RYR3: variants seen among roughly 807,000 people sequenced by gnomAD.
RYR3 encodes ryanodine receptor 3.
In RYR3, 207 loss-of-function variants were observed where a neutral mutation model predicts 584.3. The observed-to-expected ratio is 0.35, with a 90% CI of 0.32 to 0.40. RYR3 has a LOEUF of 0.40. Among genes scored for constraint, RYR3 ranks in the 10% least tolerant of loss-of-function variants. The pLI is 1.00. For missense variants in RYR3, 5,616 were observed against 6,089.2 expected, an observed-to-expected ratio of 0.92 and a Z score of 2.59; for synonymous variants, 2,416 against 2,248.5, an observed-to-expected ratio of 1.07 and a Z score of -2.11.
rs181960662 is a variant in RYR3, at chr15:33,642,168, A to G, written c.3557-2143A>G. On this transcript the variant is annotated intron_variant, in intron 27 of 103. Coordinates refer to ENST00000634891, the MANE Select transcript of RYR3 (RefSeq NM_001036.6). ...GCAGTTATTACCTTTTCCCCCTTAC[A>G]TTGTCATTGGGTCTGTGACTAGGAC... Among the ~76,000 whole-genome samples, 28 of 152,166 alleles carry G rather than the reference A, an allele frequency of 1.8e-4. 1 individual carries two copies. Among genetic ancestry groups the G allele is most frequent in the Admixed American group, 1.6e-3 (25 of 15,290 alleles).
intron 1 of RYR3, among the ~76,000 whole-genome samples, chr15:33,380,461 T>G (rs1006945215): frequency 1.3e-5 from 2 of 152,246 alleles, no homozygotes; most frequent in African/African-American, 4.8e-5. Flanking sequence ...GAGTGACTTC[T>G]GAAGTTCTTT....
At chr15:33,840,406 C>G (rs913722452) in intron 89 of RYR3, among the ~76,000 whole-genome samples, 1 of 152,130 alleles carries the variant, frequency 6.6e-6, no homozygotes, top group Non-Finnish European at 1.5e-5. Flanking sequence ...TGCAGTGGTC[C>G]TCAGCCAGAG....
At chr15:33,816,691 G>C (rs1052913311) in intron 74 of RYR3, among the ~76,000 whole-genome samples, 171 bp from the exon 75 acceptor site, 2 of 152,188 alleles carry the variant, frequency 1.3e-5, no homozygotes, top group African/African-American at 4.8e-5. Flanking sequence ...TCATGGTAGA[G>C]GGTTCTGGTT....
intron 17 of RYR3, 100 bp from the exon 18 acceptor site, chr15:33,603,023 T>G (rs1232283511): frequency 1.6e-6 from 2 of 1,239,034 alleles, no homozygotes; most frequent in Admixed American, 1.9e-5. Context: ...ATTGCTCTTG[T>G]CCTACGTGTA....
In RYR3 at chr15:33,842,002, T is replaced by A; in HGVS notation, c.13176T>A (p.Phe4392Leu). ...CGGAAGCTTTCACAGCCAATTTCTT[T>A]AAAGGGCTGGAAATCTATCAGACCA... The part of the protein sequence containing the change: ...EKPEAFTANF[F>L]KGLEIYQTKL... Residue 4392 changes from phenylalanine to leucine, a missense_variant, in exon 91 of 104, where the codon TTT (phenylalanine) becomes TTA (leucine). Coordinates refer to ENST00000634891, the MANE Select transcript of RYR3 (RefSeq NM_001036.6). 6.2e-7 allele frequency: 1 copy of A among 1,603,356 alleles called. No individual in the cohort carries two copies. The highest frequency in any genetic ancestry group is 2.2e-5 in the East Asian group (1 of 44,644).
chr15:33,567,236 T>A (rs963173019), intron 12 of RYR3, among the ~76,000 whole-genome samples: 1 of 152,196 alleles, frequency 6.6e-6, no homozygotes. Flanking sequence ...AAGCCTTGGG[T>A]TACCCAACTG....
chr15:33,378,254 G>T (rs192155392), intron 1 of RYR3, among the ~76,000 whole-genome samples: 146 of 152,214 alleles, frequency 9.6e-4, no homozygotes, highest in African/African-American at 3.4e-3. Context: ...ATTCTATTTG[G>T]CACTTTCTTC....
At chr15:33,399,887 C>A (rs1406916677) in intron 1 of RYR3, among the ~76,000 whole-genome samples, 1 of 152,036 alleles carries the variant, frequency 6.6e-6, no homozygotes, top group Non-Finnish European at 1.5e-5. Context: ...TTTTTAATAA[C>A]TTCTAAAATC....
chr15:33,384,498 T>C (rs2041436558), intron 1 of RYR3, among the ~76,000 whole-genome samples: 1 of 146,980 alleles, frequency 6.8e-6, no homozygotes, highest in South Asian at 2.1e-4. Flanking sequence ...ATAATAATTA[T>C]ACTATTATTT....
intron 3 of RYR3, among the ~76,000 whole-genome samples, chr15:33,506,306 C>T (rs916137913): frequency 2.0e-5 from 3 of 152,086 alleles, no homozygotes; most frequent in South Asian, 2.1e-4. Context: ...TTTCAGAAGC[C>T]ATTTATAAGT....
At chr15:33,725,976 C>CCCCCAAAA (rs1555427643) in intron 45 of RYR3, among the ~76,000 whole-genome samples, 1 of 31,514 alleles carries the variant, frequency 3.2e-5, no homozygotes, top group Non-Finnish European at 5.9e-5. Context: ...TCCCCCCCCC[C>CCCCCAAAA]AAAAAAAAAA....
In RYR3 at chr15:33,558,201, C is replaced by T. The variant is rs2057195593; in HGVS notation, c.973-4636C>T. ...TATGTTGGTGTGCTGCACCCATTAA[C>T]TAGTCATTTGCATTAGGTATATCTC... On this transcript the variant is annotated intron_variant, in intron 10 of 103. Coordinates refer to ENST00000634891, the MANE Select transcript of RYR3 (RefSeq NM_001036.6). Among the ~76,000 whole-genome samples the T allele has an allele frequency of 2.0e-5, 3 of 152,086 alleles. No homozygotes were observed. The South Asian group carries it at 6.2e-4, about 32-fold the overall frequency.
intron 99 of RYR3, 168 bp downstream of exon 99, chr15:33,858,082 A>T (rs1014632602): frequency 2.3e-5 from 21 of 910,208 alleles, no homozygotes; most frequent in South Asian, 1.2e-4. Flanking sequence ...CAAACAGGAG[A>T]GTGTCCTGGG....
Position 33,334,554 on chromosome 15 carries a change from T to C in RYR3, c.51+23458T>C, listed in dbSNP as rs2140718348. Among the ~76,000 whole-genome samples, 2 of 152,236 alleles carry C rather than the reference T, an allele frequency of 1.3e-5. 1 individual carries two copies. The highest frequency in any genetic ancestry group is 4.1e-4 in the South Asian group (2 of 4,828). The stretch of plus-strand genomic sequence containing the variant: ...ACTCAAGATGGATTAAATACTTAAA[T>C]GTAAAACCCAAAAACTATAAAAACC... On this transcript the variant is annotated intron_variant, in intron 1 of 103. Coordinates refer to ENST00000634891, the MANE Select transcript of RYR3 (RefSeq NM_001036.6).
intron 1 of RYR3, among the ~76,000 whole-genome samples, chr15:33,403,505 A>G (rs1008815982): frequency 6.6e-6 from 1 of 152,314 alleles, no homozygotes. Flanking sequence ...TTTTCCAGTA[A>G]TGTGTATGCC....
rs530851381 is a variant in RYR3 at position 33,639,042 on chromosome 15, A to C, written c.3556+2492A>C. ...GTTCAAGAAACTATTGTCTTCTCTG[A>C]GCCAAGCACCCTTGGACTTTACCCT... On this transcript the variant is annotated intron_variant, in intron 27 of 103. Transcript: ENST00000634891. Among the ~76,000 whole-genome samples, 155 of 152,262 alleles carry C rather than the reference A, an allele frequency of 1.0e-3. 1 individual carries two copies. Among genetic ancestry groups the C allele is most frequent in the African/African-American group, 3.7e-3 (152 of 41,546 alleles).
intron 1 of RYR3, among the ~76,000 whole-genome samples, chr15:33,314,776 T>C (rs1381787868): frequency 1.3e-5 from 2 of 151,496 alleles, no homozygotes; most frequent in East Asian, 1.9e-4. Context: ...TAGCCGGGCG[T>C]GGTGGTGGGT....
intron 93 of RYR3, among the ~76,000 whole-genome samples, chr15:33,846,369 G>A (rs1252660589): frequency 1.3e-5 from 2 of 152,196 alleles, no homozygotes; most frequent in Non-Finnish European, 2.9e-5. Context: ...ATTCCAGGAG[G>A]CGTGGTTCCT....
At chr15:33,694,250 GT>G (rs1050666286) in intron 38 of RYR3, among the ~76,000 whole-genome samples, 33 of 142,748 alleles carry the variant, frequency 2.3e-4, no homozygotes, top group South Asian at 4.6e-4. Flanking sequence ...ACTAGTTTTT[GT>G]TTTTTTTTTT....
Sources: allele counts gnomAD v4.1 joint callset (sites outside exome capture counted in the v4.1 genomes callset), GRCh38; gene constraint gnomAD v4.1.1; transcripts MANE v1.5; gene names NCBI Gene and HGNC (gene_info 2026-07-23, HGNC 2026-07-21).